KCNQ1OT1: variants seen among roughly 807,000 people sequenced by gnomAD.
KCNQ1OT1 encodes the protein KCNQ1 opposite strand/antisense transcript 1.
Position 2,657,453 on chromosome 11 carries a change from C to A in KCNQ1OT1, n.42542G>T. ...GTTAGATAATTAATATTCTTTTGTG[C>A]TATTGTATACAGGTTCTGTTTTCTC... is the stretch of plus-strand genomic sequence containing the variant. On this transcript the variant is annotated non_coding_transcript_exon_variant, in exon 1 of 1. Coordinates refer to ENST00000597346, the Ensembl canonical transcript of KCNQ1OT1. This position sits in a 1 kb window ranked among gnomAD's most constrained non-coding sequence, Gnocchi z 4.8. 1 of 398,460 alleles carries A rather than the reference C, an allele frequency of 2.5e-6. No homozygotes were observed. The highest frequency in any genetic ancestry group is 4.4e-6 in the Non-Finnish European group (1 of 226,030). 24.7% of individuals were successfully genotyped at this position (398,460 alleles called of 1,614,324 possible). A position where few individuals can be genotyped will look rare whatever the true frequency, so the allele number is the denominator to read the frequency against.
Position 2,645,336 on chromosome 11 carries a change from C to T in KCNQ1OT1, n.54659G>A, listed in dbSNP as rs998671051. 1 of 398,530 alleles carries T rather than the reference C, an allele frequency of 2.5e-6. No individual in the cohort carries two copies. The highest frequency in any genetic ancestry group is 2.1e-5 in the African/African-American group (1 of 48,586). The allele number at this position is 398,530 out of a possible 1,614,324, so 24.7% of individuals were successfully genotyped here. ...CAATACTGGATAGGGCAGGGTGATC[C>T]CTAGGCCCAGAGATGGTATGCGCTG... On this transcript the variant is annotated non_coding_transcript_exon_variant, in exon 1 of 1. Coordinates refer to ENST00000597346, the Ensembl canonical transcript of KCNQ1OT1. The surrounding 1 kb of genome is among the most constrained non-coding windows in gnomAD (Gnocchi z 5.8).
At chr11:2,697,738 T>A (rs1367051480) in exon 1 of KCNQ1OT1, 1 of 398,522 alleles carries the variant, frequency 2.5e-6, no homozygotes, top group African/African-American at 2.1e-5. Context: ...TAAGAATTGT[T>A]GTTTAATACA....
At position 2,661,929 on chromosome 11, in the gene KCNQ1OT1, C is replaced by T; in HGVS notation, n.38066G>A. 8.1e-6 allele frequency: 13 copies of T among 1,613,952 alleles called. No individual in the cohort carries two copies. The highest frequency in any genetic ancestry group is 1.1e-5 in the Non-Finnish European group (13 of 1,179,994). On this transcript the variant is annotated non_coding_transcript_exon_variant, in exon 1 of 1. Coordinates refer to ENST00000597346, the Ensembl canonical transcript of KCNQ1OT1. The surrounding 1 kb of genome is among the most constrained non-coding windows in gnomAD (Gnocchi z 5.9). ...CAGCACTGGCAGGTTGGGTGGGAGGCCTAACGTGCTGTCCCCACACTTTCT... is the reference window on the plus strand; with the variant it reads ...CAGCACTGGCAGGTTGGGTGGGAGGTCTAACGTGCTGTCCCCACACTTTCT...
At position 2,668,319 on chromosome 11, in the gene KCNQ1OT1, G is replaced by C. The variant is rs1195884145; in HGVS notation, n.31676C>G. Reference sequence around the variant, plus strand: ...CAGGTTGCGTTTCTGGGGAATATATGCCTATGTGTGGAGCTGCAGGGTCCT... The same window carrying C: ...CAGGTTGCGTTTCTGGGGAATATATCCCTATGTGTGGAGCTGCAGGGTCCT... On this transcript the variant is annotated non_coding_transcript_exon_variant, in exon 1 of 1. Coordinates refer to ENST00000597346, the Ensembl canonical transcript of KCNQ1OT1. This position sits in a 1 kb window ranked among gnomAD's most constrained non-coding sequence, Gnocchi z 4.3. 1 of 398,488 alleles carries C rather than the reference G, an allele frequency of 2.5e-6. No homozygotes were observed. The highest frequency in any genetic ancestry group is 2.1e-5 in the African/African-American group (1 of 48,604). 24.7% of individuals were successfully genotyped at this position (398,488 alleles called of 1,614,324 possible).
At position 2,654,420 on chromosome 11, in the gene KCNQ1OT1, T is replaced by C. The variant is rs1849805282; in HGVS notation, n.45575A>G. The C allele has an allele frequency of 7.5e-6, 3 of 398,040 alleles. No homozygotes were observed. The highest frequency in any genetic ancestry group is 1.3e-5 in the Non-Finnish European group (3 of 226,002). The allele number at this position is 398,040 out of a possible 1,614,324, so 24.7% of individuals were successfully genotyped here. On this transcript the variant is annotated non_coding_transcript_exon_variant, in exon 1 of 1. Transcript: ENST00000597346. The surrounding 1 kb of genome is among the most constrained non-coding windows in gnomAD (Gnocchi z 6.4). ...GCCTGTGCCAAACCCTGGGGAGACA[T>C]GGGTGAGGCAGAAGGCAAGGTTCCC...
exon 1 of KCNQ1OT1, chr11:2,649,726 A>T: frequency 2.5e-6 from 1 of 398,436 alleles, no homozygotes; most frequent in Non-Finnish European, 4.4e-6. Context: ...TGTTTTTTAA[A>T]TTCTCTCTTT....
chr11:2,678,393 A>T lies in KCNQ1OT1; in HGVS notation n.21602T>A, dbSNP rs1331388009. Reference sequence around the variant, plus strand: ...TTAAATCCAATTTGGTTTCCCATATATTTGTCCAGTTGTCCAACACTATTT... The same window carrying T: ...TTAAATCCAATTTGGTTTCCCATATTTTTGTCCAGTTGTCCAACACTATTT... On this transcript the variant is annotated non_coding_transcript_exon_variant, in exon 1 of 1. Coordinates refer to ENST00000597346, the Ensembl canonical transcript of KCNQ1OT1. The surrounding 1 kb of genome is among the most constrained non-coding windows in gnomAD (Gnocchi z 4.9). 1.0e-5 allele frequency: 4 copies of T among 398,470 alleles called. No individual in the cohort carries two copies. Among genetic ancestry groups the T allele is most frequent in the Non-Finnish European group, 1.8e-5 (4 of 226,062 alleles). 24.7% of individuals were successfully genotyped at this position (398,470 alleles called of 1,614,324 possible). A position where few individuals can be genotyped will look rare whatever the true frequency, so the allele number is the denominator to read the frequency against.
rs1042051945 is a variant in KCNQ1OT1 at position 2,616,962 on chromosome 11, T to C, written n.83033A>G. ...TGTCTGGCTGTACATTATCTTGTTG[T>C]GTTTTTTTTTTTTAATTTTAAAAAT... is the stretch of plus-strand genomic sequence containing the variant. On this transcript the variant is annotated non_coding_transcript_exon_variant, in exon 1 of 1. Transcript: ENST00000597346. The C allele has an allele frequency of 1.2e-5, 4 of 337,912 alleles. No homozygotes were observed. In the Admixed American group the frequency reaches 1.9e-4, roughly 16 times the overall value. 20.9% of individuals were successfully genotyped at this position (337,912 alleles called of 1,614,324 possible).
rs1335829666 is a variant in KCNQ1OT1, at chr11:2,652,705, C to G, written n.47290G>C. On this transcript the variant is annotated non_coding_transcript_exon_variant, in exon 1 of 1. Transcript: ENST00000597346. This position sits in a 1 kb window ranked among gnomAD's most constrained non-coding sequence, Gnocchi z 5.9. ...TGTGGGTGGCTGTGTTGCTCTCTTT[C>G]CGTTTCCTGGGCTCACTCACGCTCA... The G allele has an allele frequency of 2.3e-5, 9 of 398,782 alleles. No homozygotes were observed. The highest frequency in any genetic ancestry group is 4.0e-5 in the Non-Finnish European group (9 of 226,320). 24.7% of individuals were successfully genotyped at this position (398,782 alleles called of 1,614,324 possible). A position where few individuals can be genotyped will look rare whatever the true frequency, so the allele number is the denominator to read the frequency against.
At chr11:2,685,614 T>A (rs753755293) in exon 1 of KCNQ1OT1, 1 of 398,718 alleles carries the variant, frequency 2.5e-6, no homozygotes, top group Non-Finnish European at 4.4e-6. Context: ...TGCAGCTGGC[T>A]GTTGCCATTC....
chr11:2,630,091 C>T (rs1589991760), exon 1 of KCNQ1OT1: 2 of 398,160 alleles, frequency 5.0e-6, no homozygotes, highest in Non-Finnish European at 8.9e-6. Flanking sequence ...CAGTACATTC[C>T]TTCTATACCT....
Position 2,673,806 on chromosome 11 carries a change from T to G in KCNQ1OT1, n.26189A>C, listed in dbSNP as rs918370329. 3 of 398,582 alleles carry G rather than the reference T, an allele frequency of 7.5e-6. No individual in the cohort carries two copies. Among genetic ancestry groups the G allele is most frequent in the East Asian group, 7.1e-5 (2 of 28,096 alleles). The allele number at this position is 398,582 out of a possible 1,614,324, so 24.7% of individuals were successfully genotyped here. A position where few individuals can be genotyped will look rare whatever the true frequency, so the allele number is the denominator to read the frequency against. ...CTGGTGCAAAGGGCAGTGATGGCCC[T>G]TCAATCCCAGGCCCACAAGCACCAC... On this transcript the variant is annotated non_coding_transcript_exon_variant, in exon 1 of 1. Coordinates refer to ENST00000597346, the Ensembl canonical transcript of KCNQ1OT1. This position sits in a 1 kb window ranked among gnomAD's most constrained non-coding sequence, Gnocchi z 4.5.
At chr11:2,665,258 A>T (rs1277043196) in exon 1 of KCNQ1OT1, 1 of 398,366 alleles carries the variant, frequency 2.5e-6, no homozygotes, top group Non-Finnish European at 4.4e-6. Context: ...GCCAGCCTCA[A>T]ACTCCCTGAG....
Position 2,676,827 on chromosome 11 carries a change from G to T in KCNQ1OT1, n.23168C>A. ...TATTGTGCTGGGATCTACCACAGGG[G>T]TCATGTTGTAATGACACCTGTCAGC... On this transcript the variant is annotated non_coding_transcript_exon_variant, in exon 1 of 1. Coordinates refer to ENST00000597346, the Ensembl canonical transcript of KCNQ1OT1. The surrounding 1 kb of genome is among the most constrained non-coding windows in gnomAD (Gnocchi z 4.2). 1 of 398,608 alleles carries T rather than the reference G, an allele frequency of 2.5e-6. No homozygotes were observed. 24.7% of individuals were successfully genotyped at this position (398,608 alleles called of 1,614,324 possible).
chr11:2,632,182 CAAAAAAAA>C, exon 1 of KCNQ1OT1: 1 of 310,382 alleles, frequency 3.2e-6, no homozygotes, highest in Non-Finnish European at 5.3e-6. Flanking sequence ...GACTCTGCCT[CAAAAAAAA>C]AAAAAAAAAA....
Position 2,620,998 on chromosome 11 carries a change from GAA to G in KCNQ1OT1, n.78995_78996del, listed in dbSNP as rs1234507612. On this transcript the variant is annotated non_coding_transcript_exon_variant, in exon 1 of 1. Coordinates refer to ENST00000597346, the Ensembl canonical transcript of KCNQ1OT1. The surrounding 1 kb of genome is among the most constrained non-coding windows in gnomAD (Gnocchi z 4.5). ...TTTTGTTTGTTTGTTTGTTTTTTGA[GAA>G]AGAGTCTTGCTCTGTCTCCCAGGCT... 2.5e-6 allele frequency: 1 copy of G among 392,926 alleles called. No homozygotes were observed. The highest frequency in any genetic ancestry group is 4.5e-6 in the Non-Finnish European group (1 of 224,518). 24.3% of individuals were successfully genotyped at this position (392,926 alleles called of 1,614,324 possible).
rs1257702576 is a variant in KCNQ1OT1 at position 2,630,276 on chromosome 11, T to C, written n.69719A>G. 4.0e-5 allele frequency: 16 copies of C among 398,210 alleles called. No homozygotes were observed. The East Asian group carries it at 4.6e-4, about 12-fold the overall frequency. The allele number at this position is 398,210 out of a possible 1,614,324, so 24.7% of individuals were successfully genotyped here. A position where few individuals can be genotyped will look rare whatever the true frequency, so the allele number is the denominator to read the frequency against. ...AAGGATAAATCCCATGTTTGTGATA[T>C]ATGATTTTTTTAATGTGCTGTTAAA... On this transcript the variant is annotated non_coding_transcript_exon_variant, in exon 1 of 1. Coordinates refer to ENST00000597346, the Ensembl canonical transcript of KCNQ1OT1.
Position 2,663,908 on chromosome 11 carries a change from C to T in KCNQ1OT1, n.36087G>A. 2.5e-6 allele frequency: 1 copy of T among 398,706 alleles called. No homozygotes were observed. 24.7% of individuals were successfully genotyped at this position (398,706 alleles called of 1,614,324 possible). A position where few individuals can be genotyped will look rare whatever the true frequency, so the allele number is the denominator to read the frequency against. On this transcript the variant is annotated non_coding_transcript_exon_variant, in exon 1 of 1. Coordinates refer to ENST00000597346, the Ensembl canonical transcript of KCNQ1OT1. This position sits in a 1 kb window ranked among gnomAD's most constrained non-coding sequence, Gnocchi z 5.2. The stretch of plus-strand genomic sequence containing the variant: ...CCCCAAGCCAGTGTGGCTGTGTCAT[C>T]TAGGACACTGGGCTGTTTCTTGTTC...
chr11:2,644,019 G>A (rs907720558), exon 1 of KCNQ1OT1: 3 of 398,328 alleles, frequency 7.5e-6, no homozygotes, highest in African/African-American at 6.2e-5. Context: ...TTTATCGCTG[G>A]TTTTATGATT....
Sources: allele counts gnomAD v4.1 joint callset, GRCh38; gene constraint gnomAD v4.1.1; non-coding constraint Gnocchi (gnomAD v3.1); transcripts MANE v1.5; gene names NCBI Gene and HGNC (gene_info 2026-07-23, HGNC 2026-07-21).